Variants in ACACA observed in about 807,000 individuals in gnomAD.
The protein encoded by ACACA is acetyl-CoA carboxylase 1.
Under a neutral mutation model 296.1 loss-of-function variants are expected in ACACA, and 103 were observed. That is an observed-to-expected ratio of 0.35 (90% CI 0.30 to 0.41). The LOEUF is 0.41. Ranked by LOEUF, ACACA falls within the 10% of genes least tolerant of loss-of-function variation. ACACA has a pLI of 1.00. For synonymous variants in ACACA, 953 were observed against 1,038.6 expected, an observed-to-expected ratio of 0.92 and a Z score of 1.58; for missense variants, 1,554 against 2,989.7, an observed-to-expected ratio of 0.52 and a Z score of 11.20.
intron 16 of ACACA, among the ~76,000 whole-genome samples, chr17:37,251,018 C>G (rs1160350307): frequency 1.3e-5 from 2 of 152,080 alleles, no homozygotes; most frequent in African/African-American, 2.4e-5. Flanking sequence ...CAGTGCGAGA[C>G]TCTGTCTCAA....
rs2080805661 is a variant in ACACA at position 37,248,094 on chromosome 17, A to C, written c.2226T>G (p.Asp742Glu). ...GTCCACCGTCACTCAGCCGATGTACATCTACTTCTACACATGAGCCATTCA... is the reference window on the plus strand; with the variant it reads ...GTCCACCGTCACTCAGCCGATGTACCTCTACTTCTACACATGAGCCATTCA... ...VIMNGSCVEV[D>E]VHRLSDGGLL... Residue 742 changes from aspartate (D) to glutamate (E), a missense_variant, in exon 18 of 56, where the codon GAT becomes GAG. By Grantham distance (45) the Asp-to-Glu change is conservative. Transcript: ENST00000616317. The C allele has an allele frequency of 1.2e-6, 2 of 1,614,170 alleles. No individual in the cohort carries two copies. Among genetic ancestry groups the C allele is most frequent in the Non-Finnish European group, 1.7e-6 (2 of 1,180,014 alleles).
At chr17:37,167,793 G>A (rs2076741000) in intron 41 of ACACA, among the ~76,000 whole-genome samples, 1 of 151,468 alleles carries the variant, frequency 6.6e-6, no homozygotes, top group South Asian at 2.1e-4. Flanking sequence ...TACATAAAGT[G>A]TTTTAACATT....
intron 1 of ACACA, chr17:37,391,712 G>A (rs1317001057): frequency 6.2e-7 from 1 of 1,613,716 alleles, no homozygotes. Context: ...TTATCCACCA[G>A]ACATACTTCT....
chr17:37,174,006 ATATATATATATATATTTTTT>A (rs1206970674), intron 41 of ACACA, among the ~76,000 whole-genome samples: 5 of 12,250 alleles, frequency 4.1e-4, no homozygotes. Context: ...ATATATATAT[ATATATATATATATATTTTTT>A]TTTTTTTTTT....
intron 29 of ACACA, among the ~76,000 whole-genome samples, chr17:37,213,620 C>T (rs1004081552): frequency 6.6e-6 from 1 of 152,156 alleles, no homozygotes; most frequent in Non-Finnish European, 1.5e-5. Flanking sequence ...TCATAAACCA[C>T]AATCTAGACT....
chr17:37,179,955 A>G (rs184319922), intron 40 of ACACA, among the ~76,000 whole-genome samples: 1 of 152,348 alleles, frequency 6.6e-6, no homozygotes, highest in African/African-American at 2.4e-5. Context: ...GTGCAGATCA[A>G]TTCTGCTCAA....
intron 47 of ACACA, among the ~76,000 whole-genome samples, chr17:37,127,793 G>A (rs1270523949): frequency 2.7e-5 from 4 of 147,180 alleles, no homozygotes; most frequent in East Asian, 2.0e-4. Context: ...GCAGTGAGCC[G>A]AGATCGCGCC....
At chr17:37,122,392 T>C in intron 49 of ACACA, 139 bp downstream of exon 49, 1 of 784,006 alleles carries the variant, frequency 1.3e-6, no homozygotes, top group Non-Finnish European at 2.3e-6. Context: ...AGTGAGCACA[T>C]GATGTTCTAA....
chr17:37,213,676 T>C (rs1330710070), intron 29 of ACACA, among the ~76,000 whole-genome samples: 2 of 152,124 alleles, frequency 1.3e-5, no homozygotes, highest in Non-Finnish European at 2.9e-5. Flanking sequence ...TCCACATCAG[T>C]ATAGATTTTA....
intron 55 of ACACA, among the ~76,000 whole-genome samples, chr17:37,087,923 G>A (rs2072328281): frequency 6.6e-6 from 1 of 152,232 alleles, no homozygotes; most frequent in East Asian, 1.9e-4. Flanking sequence ...TTTGATGAAA[G>A]CAAGATACTT....
chr17:37,143,557 C>T, intron 45 of ACACA: 1 of 555,080 alleles, frequency 1.8e-6, no homozygotes, highest in Non-Finnish European at 3.1e-6. Flanking sequence ...AAGAAGACAC[C>T]ATACAGTTTA....
chr17:37,362,823 A>G (rs1360828690), intron 1 of ACACA, among the ~76,000 whole-genome samples: 1 of 151,934 alleles, frequency 6.6e-6, no homozygotes, highest in Non-Finnish European at 1.5e-5. Context: ...AAAACGCAAA[A>G]AATTAGCCAG....
chr17:37,129,531 C>T, intron 46 of ACACA, 46 bp from the exon 47 acceptor site: 2 of 1,612,182 alleles, frequency 1.2e-6, no homozygotes, highest in Non-Finnish European at 1.7e-6. Context: ...GAACGACAGC[C>T]CTAGACTCCA....
At chr17:37,218,708 G>C (rs1567832925) in intron 29 of ACACA, among the ~76,000 whole-genome samples, 1 of 152,192 alleles carries the variant, frequency 6.6e-6, no homozygotes, top group Non-Finnish European at 1.5e-5. Context: ...AGCCTTACAG[G>C]ACAGAGTGGA....
intron 3 of ACACA, among the ~76,000 whole-genome samples, chr17:37,294,029 C>T (rs1211654402): frequency 6.6e-6 from 1 of 151,906 alleles, no homozygotes; most frequent in East Asian, 1.9e-4. Flanking sequence ...CTCACCTAAA[C>T]CTAAGTAACA....
Position 37,097,974 on chromosome 17 carries a change from C to G in ACACA, c.6576G>C (p.Glu2192Asp). The change falls in exon 53 of 56, where the codon GAG becomes GAC. Residue 2192 changes from glutamate (E) to aspartate (D), a missense_variant. Transcript: ENST00000616317. The surrounding 1 kb of genome is among the most constrained non-coding windows in gnomAD (Gnocchi z 4.8). ...IHLAERLGTP[E>D]LSTAERKELE... Reference sequence around the variant, plus strand: ...ACTCCTTCCGCTCAGCTGTGCTTAGCTCTGGGGTCCCTGCAATTAGATAAA... The same window carrying G: ...ACTCCTTCCGCTCAGCTGTGCTTAGGTCTGGGGTCCCTGCAATTAGATAAA... 6.2e-7 allele frequency: 1 copy of G among 1,614,230 alleles called. No homozygotes were observed. The highest frequency in any genetic ancestry group is 8.5e-7 in the Non-Finnish European group (1 of 1,180,040).
chr17:37,357,938 G>GA (rs1045347508), intron 1 of ACACA, among the ~76,000 whole-genome samples: 8 of 152,178 alleles, frequency 5.3e-5, no homozygotes, highest in Middle Eastern at 6.8e-3. Flanking sequence ...AATTGGGAGG[G>GA]AAAAAATGAA....
In ACACA at chr17:37,406,536, G is replaced by C. The variant is rs1597821635; in HGVS notation, c.-237C>G. On this transcript the variant is annotated 5_prime_UTR_variant, in exon 1 of 56. Coordinates refer to ENST00000616317, the MANE Select transcript of ACACA (RefSeq NM_198834.3). ...CTCAATTTCCCTTGCTGCAACAGGGGTGGAGATGGGAACGTTATCCCCAAA... is the reference window on the plus strand; with the variant it reads ...CTCAATTTCCCTTGCTGCAACAGGGCTGGAGATGGGAACGTTATCCCCAAA... 1.5e-5 allele frequency: 9 copies of C among 611,610 alleles called. No homozygotes were observed. In the East Asian group the frequency reaches 2.5e-4, roughly 17 times the overall value. 37.9% of individuals were successfully genotyped at this position (611,610 alleles called of 1,614,324 possible). A position where few individuals can be genotyped will look rare whatever the true frequency, so the allele number is the denominator to read the frequency against.
chr17:37,316,023 C>T (rs1028556105), intron 3 of ACACA, among the ~76,000 whole-genome samples: 10 of 152,118 alleles, frequency 6.6e-5, no homozygotes, highest in African/African-American at 1.7e-4. Flanking sequence ...CCAGTCATCT[C>T]ATTATCATAA....
Sources: gnomAD v4.1 joint callset for allele counts (sites outside exome capture counted in the v4.1 genomes callset) on GRCh38, gnomAD v4.1.1 for gene constraint, Gnocchi (gnomAD v3.1) non-coding constraint, MANE v1.5 for transcripts, NCBI Gene and HGNC (gene_info 2026-07-23, HGNC 2026-07-21) for gene names.